TEAD2: variants seen among roughly 807,000 people sequenced by gnomAD.
TEAD2 encodes TEA domain transcription factor 2.
Under a neutral mutation model 61.4 loss-of-function variants are expected in TEAD2, and 51 were observed. That is an observed-to-expected ratio of 0.83 (90% CI 0.66 to 1.05). The LOEUF (loss-of-function observed/expected upper bound fraction) is 1.05, where lower values mean the gene tolerates loss of function less well. Ranked by LOEUF, TEAD2 falls within the 50% of genes least tolerant of loss-of-function variation. The pLI is 0.00. For missense variants in TEAD2, 509 were observed against 600.0 expected, an observed-to-expected ratio of 0.85 and a Z score of 1.58; for synonymous variants, 244 against 243.2, an observed-to-expected ratio of 1.00 and a Z score of -0.03.
In TEAD2 at chr19:49,343,249, C is replaced by T. The variant is rs1195196628; in HGVS notation, c.1071G>A (p.Gln357=). 3 of 1,612,158 alleles carry T rather than the reference C, an allele frequency of 1.9e-6. No homozygotes were observed. Among genetic ancestry groups the T allele is most frequent in the African/African-American group, 1.3e-5 (1 of 74,866 alleles). ...CSSKVCSFGK[Q]VVEKVETERA... Reference sequence around the variant, plus strand: ...GCCTCACCTCCACCTTCTCCACCACCTGCTTGCCAAAAGAGCAGACCTTGG... The same window carrying T: ...GCCTCACCTCCACCTTCTCCACCACTTGCTTGCCAAAAGAGCAGACCTTGG... Residue 357 remains glutamine (Q), a synonymous_variant, in exon 11 of 13, where the codon CAG becomes CAA. Transcript: ENST00000593945.
In TEAD2 at chr19:49,359,747, T is replaced by C; in HGVS notation, c.232+97A>G. ...GCCTCAGTTTCCTCATCTGTGCAAATGGTGATGCTAGCTCCTACTTCAGAG... is the reference window on the plus strand; with the variant it reads ...GCCTCAGTTTCCTCATCTGTGCAAACGGTGATGCTAGCTCCTACTTCAGAG... On this transcript the variant is annotated intron_variant, in intron 2 of 12. Transcript: ENST00000593945. This position sits in a 1 kb window ranked among gnomAD's most constrained non-coding sequence, Gnocchi z 4.1. 4 of 1,294,230 alleles carry C rather than the reference T, an allele frequency of 3.1e-6. No individual in the cohort carries two copies. Among genetic ancestry groups the C allele is most frequent in the Admixed American group, 3.6e-5 (2 of 56,014 alleles). 80.2% of individuals were successfully genotyped at this position (1,294,230 alleles called of 1,614,324 possible). A position where few individuals can be genotyped will look rare whatever the true frequency, so the allele number is the denominator to read the frequency against.
chr19:49,358,491 T>C (rs969597418), intron 3 of TEAD2, among the ~76,000 whole-genome samples: 6 of 152,126 alleles, frequency 3.9e-5, no homozygotes, highest in Admixed American at 3.9e-4. Context: ...GCTCCCACTT[T>C]CCATGTGCCA....
chr19:49,343,671 G>A (rs916279089), intron 10 of TEAD2, among the ~76,000 whole-genome samples: 1 of 151,700 alleles, frequency 6.6e-6, no homozygotes, highest in Non-Finnish European at 1.5e-5. Flanking sequence ...CCGGGAGGCA[G>A]AGGTTGCGGT....
chr19:49,343,738 T>TAA (rs749162402), intron 10 of TEAD2, among the ~76,000 whole-genome samples: 4 of 137,560 alleles, frequency 2.9e-5, no homozygotes, highest in East Asian at 4.2e-4. Flanking sequence ...AACTCCATCT[T>TAA]AAAAAAAAAA....
intron 10 of TEAD2, among the ~76,000 whole-genome samples, chr19:49,345,349 T>C (rs1356933178): frequency 2.0e-5 from 3 of 151,996 alleles, no homozygotes; most frequent in African/African-American, 7.3e-5. Flanking sequence ...TCTTTCCTTC[T>C]TCCTTTCTTC....
At chr19:49,342,940 G>GT (rs1357868426) in intron 11 of TEAD2, among the ~76,000 whole-genome samples, 5 of 152,152 alleles carry the variant, frequency 3.3e-5, no homozygotes, top group Admixed American at 2.0e-4. Flanking sequence ...TCCAGCAACT[G>GT]TAAGTGTGAC....
rs1309890929 is a variant in TEAD2, at chr19:49,343,289, G to A, written c.1031C>T (p.Thr344Ile). The A allele has an allele frequency of 6.2e-7, 1 of 1,613,872 alleles. No individual in the cohort carries two copies. Among genetic ancestry groups the A allele is most frequent in the Non-Finnish European group, 8.5e-7 (1 of 1,180,000 alleles). Residue 344 changes from threonine (T) to isoleucine (I), a missense_variant, in exon 11 of 13, where the codon ACC becomes ATC. Thr to Ile is a moderately conservative substitution (Grantham distance 89). Transcript: ENST00000593945. ...SSQYESLEHM[T>I]LTCSSKVCSF... ...GCAGACCTTGGAGGAACAGGTGAGG[G>A]TCATGTGTTCCAGGCTCTCATACTG...
At chr19:49,362,089 G>T (rs2146729424) in intron 1 of TEAD2, among the ~76,000 whole-genome samples, 1 of 152,196 alleles carries the variant, frequency 6.6e-6, no homozygotes, top group East Asian at 1.9e-4. Flanking sequence ...TGACACCGCC[G>T]CAGACGCACG....
Position 49,359,607 on chromosome 19 carries a change from C to T in TEAD2, c.233-108G>A. The stretch of plus-strand genomic sequence containing the variant: ...AGCATGGGTCCCCAAAGGTCTGCAG[C>T]AAGTGGGCTGCCGGTCCCCTCAGCT... On this transcript the variant is annotated intron_variant, in intron 2 of 12. Coordinates refer to ENST00000593945, the MANE Select transcript of TEAD2 (RefSeq NM_001256660.2). The surrounding 1 kb of genome is among the most constrained non-coding windows in gnomAD (Gnocchi z 4.1). The T allele has an allele frequency of 7.5e-7, 1 of 1,339,572 alleles. No homozygotes were observed. 83.0% of individuals were successfully genotyped at this position (1,339,572 alleles called of 1,614,324 possible).
chr19:49,353,784 CTTT>C (rs5828391), intron 7 of TEAD2, among the ~76,000 whole-genome samples: 1 of 142,182 alleles, frequency 7.0e-6, no homozygotes. Flanking sequence ...TCACTGCACT[CTTT>C]TTTTTTTTTT....
At chr19:49,354,280 G>T (rs1351189951) in intron 7 of TEAD2, among the ~76,000 whole-genome samples, 1 of 151,818 alleles carries the variant, frequency 6.6e-6, no homozygotes, top group Non-Finnish European at 1.5e-5. Context: ...CAGGCAGGGG[G>T]ATCACTTGAG....
At chr19:49,345,725 C>A (rs558810835) in intron 10 of TEAD2, among the ~76,000 whole-genome samples, 1 of 152,224 alleles carries the variant, frequency 6.6e-6, no homozygotes, top group South Asian at 2.1e-4. Flanking sequence ...CCTAAACATC[C>A]AGGCAACATT....
At chr19:49,355,126 A>G (rs765779851) in intron 7 of TEAD2, 22 bp downstream of exon 7, 2 of 1,599,140 alleles carry the variant, frequency 1.3e-6, no homozygotes, top group East Asian at 4.5e-5. Flanking sequence ...GCAGGTGCTG[A>G]GCCAGGACAC....
intron 1 of TEAD2, chr19:49,361,328 A>ACTCAGAGAGAGGGGGACAGAGG (rs1160262587): frequency 7.0e-6 from 1 of 143,364 alleles, no homozygotes; most frequent in African/African-American, 3.0e-5. Context: ...GGGGACACAG[A>ACTCAGAGAGAGGGGGACAGAGG]CTCAGAGAGA....
At chr19:49,346,373 T>C (rs1412043070) in intron 10 of TEAD2, among the ~76,000 whole-genome samples, 2 of 151,380 alleles carry the variant, frequency 1.3e-5, no homozygotes, top group African/African-American at 4.9e-5. Flanking sequence ...AATACAGGAC[T>C]TGGACGGGTG....
At position 49,355,970 on chromosome 19, in the gene TEAD2, C is replaced by G. The variant is rs1972364170; in HGVS notation, c.361G>C (p.Ala121Pro). 2 of 1,255,146 alleles carry G rather than the reference C, an allele frequency of 1.6e-6. No homozygotes were observed. Among genetic ancestry groups the G allele is most frequent in the South Asian group, 3.4e-5 (1 of 29,278 alleles). The allele number at this position is 1,255,146 out of a possible 1,614,324, so 77.8% of individuals were successfully genotyped here. The change falls in exon 5 of 13, where the codon GCT (alanine) becomes CCT (proline). Residue 121 changes from alanine (A) to proline (P), a missense_variant and splice_region_variant. Physicochemically the swap from Ala to Pro is conservative, Grantham distance 27. Transcript: ENST00000593945. ...GCAGAGGAACTTACCACGTTCAGAG[C>G]CTGCCCGTGGGGGTGGGGGAGGGTG... ...KSREIQSKLK[A>P]LNVDQVSKDK...
intron 1 of TEAD2, chr19:49,361,882 CCAGA>C (rs994188105): frequency 3.9e-5 from 6 of 152,836 alleles, no homozygotes; most frequent in South Asian, 2.1e-4. Flanking sequence ...CCCCATGTGG[CCAGA>C]CAAAGGGACG....
rs1411420691 is a variant in TEAD2 at position 49,347,303 on chromosome 19, G to A, written c.808C>T (p.Leu270Phe). ...QHCPSPGAPP[L>F]ESVDVRQIYD... ...ATCTGCCGGACGTCCACACTCTCGA[G>A]CGGCGGCGCTCCGGGGCTGGGGCAG... Residue 270 changes from leucine to phenylalanine, a missense_variant, in exon 10 of 13, where the codon CTC becomes TTC. By Grantham distance (22) the Leu-to-Phe change is conservative (BLOSUM62 0). Transcript: ENST00000593945. The A allele has an allele frequency of 1.2e-6, 2 of 1,613,706 alleles. No individual in the cohort carries two copies. Among genetic ancestry groups the A allele is most frequent in the Non-Finnish European group, 1.7e-6 (2 of 1,180,014 alleles).
rs778809615 is a variant in TEAD2 at position 49,341,396 on chromosome 19, G to A, written c.1284C>T (p.Thr428=). Residue 428 remains threonine, a synonymous_variant, in exon 13 of 13, where the codon ACC becomes ACT. Transcript: ENST00000593945. The surrounding 1 kb of genome is among the most constrained non-coding windows in gnomAD (Gnocchi z 4.2). ...NRDTQELLLC[T]AYVFEVSTSE... is the part of the protein sequence containing the mutation. Reference sequence around the variant, plus strand: ...TGGTGGAGACCTCGAAGACATAGGCGGTGCAGAGCAGCAGTTCCTGGGTGT... The same window carrying A: ...TGGTGGAGACCTCGAAGACATAGGCAGTGCAGAGCAGCAGTTCCTGGGTGT... The A allele has an allele frequency of 1.7e-5, 27 of 1,613,902 alleles. No individual in the cohort carries two copies. Among genetic ancestry groups the A allele is most frequent in the East Asian group, 4.5e-5 (2 of 44,884 alleles).
Sources: gnomAD v4.1 joint callset for allele counts (sites outside exome capture counted in the v4.1 genomes callset) on GRCh38, gnomAD v4.1.1 for gene constraint, Gnocchi (gnomAD v3.1) non-coding constraint, MANE v1.5 for transcripts, NCBI Gene and HGNC (gene_info 2026-07-23, HGNC 2026-07-21) for gene names.